PPME1: variants seen among roughly 807,000 people sequenced by gnomAD.
PPME1 encodes the protein protein phosphatase methylesterase 1.
A neutral mutation model predicts 56.9 loss-of-function variants in PPME1; 17 were observed. The ratio of observed to expected loss-of-function variants is 0.30; its 90% CI spans 0.20 to 0.45. The LOEUF is 0.45. Among genes scored for constraint, PPME1 ranks in the 20% least tolerant of loss-of-function variants. The pLI, the probability that PPME1 is intolerant of heterozygous loss-of-function variation, is 1.00. For synonymous variants in PPME1, 122 were observed against 156.2 expected, an observed-to-expected ratio of 0.78 and a Z score of 1.63; for missense variants, 357 against 483.2, an observed-to-expected ratio of 0.74 and a Z score of 2.45.
At chr11:74,232,839 C>G (rs1859101853) in intron 7 of PPME1, among the ~76,000 whole-genome samples, 1 of 150,994 alleles carries the variant, frequency 6.6e-6, no homozygotes. Context: ...ACCACGATGC[C>G]CAGCTAATTT....
At chr11:74,214,823 A>G (rs953838556) in intron 3 of PPME1, among the ~76,000 whole-genome samples, 7 of 152,240 alleles carry the variant, frequency 4.6e-5, no homozygotes, top group African/African-American at 1.2e-4. Flanking sequence ...AGAAATGCTA[A>G]AGGTAGTTCT....
intron 5 of PPME1, among the ~76,000 whole-genome samples, chr11:74,229,866 C>G (rs1457844944): frequency 1.3e-5 from 2 of 152,018 alleles, no homozygotes; most frequent in African/African-American, 4.8e-5. Context: ...AATTTTTGTT[C>G]TTGTTTTATA....
chr11:74,220,403 G>T (rs892722774), intron 3 of PPME1, among the ~76,000 whole-genome samples: 19 of 152,206 alleles, frequency 1.2e-4, no homozygotes, highest in African/African-American at 2.2e-4. Context: ...AGTCGAAAAT[G>T]TGTAAATAAC....
intron 1 of PPME1, among the ~76,000 whole-genome samples, chr11:74,185,164 T>C (rs1382349413): frequency 6.6e-6 from 1 of 151,988 alleles, no homozygotes; most frequent in East Asian, 1.9e-4. Flanking sequence ...CACAACCGGC[T>C]AATTTTTGTA....
intron 3 of PPME1, among the ~76,000 whole-genome samples, chr11:74,208,043 G>GT (rs1382438384): frequency 4.6e-5 from 7 of 152,180 alleles, no homozygotes; most frequent in African/African-American, 1.4e-4. Flanking sequence ...GTCCGGCATG[G>GT]TGGCTCATGC....
chr11:74,197,722 T>C (rs923510408), intron 1 of PPME1, among the ~76,000 whole-genome samples: 15 of 152,244 alleles, frequency 9.9e-5, no homozygotes, highest in Non-Finnish European at 1.5e-5. Flanking sequence ...TAATTCCTTT[T>C]CTCTTTCTGC....
intron 12 of PPME1, 97 bp downstream of exon 12, chr11:74,251,115 C>T: frequency 2.0e-6 from 3 of 1,532,012 alleles, no homozygotes; most frequent in Non-Finnish European, 2.6e-6. Flanking sequence ...GCATTGCCTG[C>T]AGCAGCTGCT....
intron 3 of PPME1, among the ~76,000 whole-genome samples, chr11:74,212,635 C>CT (rs959939596): frequency 3.9e-5 from 6 of 152,056 alleles, no homozygotes; most frequent in African/African-American, 1.4e-4. Flanking sequence ...GTAAAGAGGA[C>CT]TTTATCTTGC....
intron 3 of PPME1, among the ~76,000 whole-genome samples, chr11:74,210,941 G>C (rs1278405811): frequency 3.3e-5 from 5 of 152,144 alleles, no homozygotes; most frequent in African/African-American, 7.2e-5. Flanking sequence ...AAAGTAGCTA[G>C]AACAATTATT....
At chr11:74,241,587 A>C (rs1185561176) in intron 9 of PPME1, among the ~76,000 whole-genome samples, 1 of 152,140 alleles carries the variant, frequency 6.6e-6, no homozygotes, top group African/African-American at 2.4e-5. Flanking sequence ...AAGCAGGTGC[A>C]CCCTTTTACA....
chr11:74,210,085 T>G (rs916171376), intron 3 of PPME1, among the ~76,000 whole-genome samples: 1 of 152,156 alleles, frequency 6.6e-6, no homozygotes, highest in Non-Finnish European at 1.5e-5. Flanking sequence ...TACGTAAATA[T>G]TCACTTGCTC....
intron 7 of PPME1, among the ~76,000 whole-genome samples, chr11:74,231,337 A>G (rs1321725733): frequency 6.6e-6 from 1 of 152,204 alleles, no homozygotes; most frequent in Non-Finnish European, 1.5e-5. Flanking sequence ...TCCTGGCCTC[A>G]AGTAATCCTC....
chr11:74,220,645 AAGTT>A (rs1858773836), intron 3 of PPME1, among the ~76,000 whole-genome samples: 1 of 152,188 alleles, frequency 6.6e-6, no homozygotes, highest in Admixed American at 6.5e-5. Context: ...TGTGAGGAGA[AAGTT>A]AGGTAATTCA....
At chr11:74,183,009 A>T (rs549995077) in intron 1 of PPME1, among the ~76,000 whole-genome samples, 1 of 150,728 alleles carries the variant, frequency 6.6e-6, no homozygotes, top group African/African-American at 2.4e-5. Flanking sequence ...AAAAAAAAAA[A>T]AGTACGGGCT....
At chr11:74,205,749 T>C (rs1275525669) in intron 3 of PPME1, 2 of 152,252 alleles carry the variant, frequency 1.3e-5, no homozygotes, top group South Asian at 2.1e-4. Context: ...GCCCTTGTCT[T>C]GTTTGCTACT....
At chr11:74,252,200 T>A (rs1286775615) in intron 13 of PPME1, among the ~76,000 whole-genome samples, 1 of 149,026 alleles carries the variant, frequency 6.7e-6, no homozygotes, top group Non-Finnish European at 1.5e-5. Context: ...CCCGAGTAGC[T>A]GGGATCACAG....
At chr11:74,188,710 T>G (rs372897176) in intron 1 of PPME1, among the ~76,000 whole-genome samples, 1 of 152,234 alleles carries the variant, frequency 6.6e-6, no homozygotes, top group African/African-American at 2.4e-5. Context: ...GTGCTACCAT[T>G]AAAAATAACC....
At chr11:74,207,585 A>G (rs1461919894) in intron 3 of PPME1, among the ~76,000 whole-genome samples, 2 of 152,232 alleles carry the variant, frequency 1.3e-5, no homozygotes, top group East Asian at 1.9e-4. Context: ...TTTATATTCA[A>G]TAAGTTAGTG....
At chr11:74,233,115 A>T (rs1049331415) in intron 7 of PPME1, among the ~76,000 whole-genome samples, 1 of 152,088 alleles carries the variant, frequency 6.6e-6, no homozygotes, top group African/African-American at 2.4e-5. Flanking sequence ...AGTTCCTATC[A>T]TCAAAAAACT....
Sources: gnomAD v4.1 joint callset for allele counts (sites outside exome capture counted in the v4.1 genomes callset) on GRCh38, gnomAD v4.1.1 for gene constraint, MANE v1.5 for transcripts, NCBI Gene and HGNC (gene_info 2026-07-23, HGNC 2026-07-21) for gene names.